The following PDXDC1 variants were observed in gnomAD, a reference collection of about 807,000 sequenced individuals.
PDXDC1 encodes the protein pyridoxal dependent decarboxylase domain containing 1.
A neutral mutation model predicts 100.1 loss-of-function variants in PDXDC1; 42 were observed. That is an observed-to-expected ratio of 0.42 (90% CI 0.33 to 0.54). The LOEUF (loss-of-function observed/expected upper bound fraction) is 0.54. PDXDC1 is among the 20% of genes least tolerant of loss of function. The pLI is 0.10. For missense variants in PDXDC1, 636 were observed against 979.2 expected, an observed-to-expected ratio of 0.65 and a Z score of 4.68; for synonymous variants, 260 against 371.7, an observed-to-expected ratio of 0.70 and a Z score of 3.46.
At chr16:14,980,047 G>T (rs1466191794) in intron 1 of PDXDC1, among the ~76,000 whole-genome samples, 4 of 152,294 alleles carry the variant, frequency 2.6e-5, no homozygotes, top group African/African-American at 9.6e-5. Flanking sequence ...GGCTGTAAAT[G>T]ATTATCTAAT....
At chr16:15,020,264 C>T (rs1187824689) in intron 12 of PDXDC1, among the ~76,000 whole-genome samples, 5 of 152,248 alleles carry the variant, frequency 3.3e-5, no homozygotes, top group African/African-American at 4.8e-5. Context: ...CAGGATGGCT[C>T]GAGGAACGAA....
intron 8 of PDXDC1, among the ~76,000 whole-genome samples, chr16:15,015,384 A>C (rs1468995427): frequency 6.6e-6 from 1 of 152,268 alleles, no homozygotes. Flanking sequence ...GATAAAATAG[A>C]CTTCATATTG....
At chr16:15,125,849 C>T in intron 16 of PDXDC1, 1 of 883,502 alleles carries the variant, frequency 1.1e-6, no homozygotes. Context: ...CAGCTCAGAC[C>T]TGCTCAGGAC....
At chr16:15,067,851 G>C (rs527700324) in intron 16 of PDXDC1, among the ~76,000 whole-genome samples, 2 of 152,106 alleles carry the variant, frequency 1.3e-5, no homozygotes, top group South Asian at 4.1e-4. Context: ...TTGACTTCCT[G>C]GGCTCAAGTG....
intron 16 of PDXDC1, among the ~76,000 whole-genome samples, chr16:15,052,877 C>T (rs769983250): frequency 3.9e-5 from 6 of 152,042 alleles, no homozygotes; most frequent in South Asian, 4.2e-4. Context: ...AGCTACGCTG[C>T]GAGCATCTTG....
chr16:15,065,442 C>T (rs1262451781), intron 16 of PDXDC1: 19 of 1,340,306 alleles, frequency 1.4e-5, no homozygotes, highest in African/African-American at 7.3e-5. Flanking sequence ...ATGTGAGCTG[C>T]GTGTGACAAC....
chr16:15,035,504 C>A lies in PDXDC1; in HGVS notation c.2058C>A (p.Val686=). The A allele has an allele frequency of 6.2e-7, 1 of 1,612,744 alleles. No homozygotes were observed. The highest frequency in any genetic ancestry group is 2.2e-5 in the East Asian group (1 of 44,854). ...TCTACAAAGCACAAGGTGCAGGAGTCACGCTGCCTCCAACGCCCTCGGGCA... is the reference window on the plus strand; with the variant it reads ...TCTACAAAGCACAAGGTGCAGGAGTAACGCTGCCTCCAACGCCCTCGGGCA... ...IYVYKAQGAG[V]TLPPTPSGSR... Residue 686 remains valine (V), a synonymous_variant, in exon 22 of 23, where the codon GTC becomes GTA. Coordinates refer to ENST00000396410, the MANE Select transcript of PDXDC1 (RefSeq NM_015027.4).
intron 16 of PDXDC1, among the ~76,000 whole-genome samples, chr16:15,076,077 A>T (rs536932653): frequency 3.3e-5 from 5 of 152,118 alleles, no homozygotes; most frequent in Admixed American, 3.3e-4. Context: ...GCGACCTCCC[A>T]AGTGAGACCC....
chr16:15,133,754 C>G, intron 16 of PDXDC1: 1 of 1,591,710 alleles, frequency 6.3e-7, no homozygotes, highest in Non-Finnish European at 8.6e-7. Context: ...ACGTCACAGT[C>G]GGGGGATCCC....
intron 16 of PDXDC1, among the ~76,000 whole-genome samples, chr16:15,106,629 C>G (rs1216565198): frequency 6.7e-6 from 1 of 148,822 alleles, no homozygotes; most frequent in African/African-American, 2.4e-5. Flanking sequence ...GTGGCAGGCA[C>G]CTGTAAGCCC....
At chr16:15,131,226 G>C (rs1484408497) in intron 16 of PDXDC1, 5 of 1,591,238 alleles carry the variant, frequency 3.1e-6, no homozygotes, top group Non-Finnish European at 4.3e-6. Flanking sequence ...GGGCAGCCCA[G>C]TCCGAGTTGT....
intron 3 of PDXDC1, among the ~76,000 whole-genome samples, chr16:14,998,950 T>A (rs1383954347): frequency 2.0e-5 from 3 of 152,230 alleles, no homozygotes; most frequent in Non-Finnish European, 2.9e-5. Flanking sequence ...CTAAGTACAG[T>A]GGGTCACATC....
At chr16:15,054,648 CGTCA>C (rs1393074854) in intron 16 of PDXDC1, among the ~76,000 whole-genome samples, 2 of 152,160 alleles carry the variant, frequency 1.3e-5, no homozygotes, top group Non-Finnish European at 2.9e-5. Flanking sequence ...GCCTTCTCCC[CGTCA>C]GTAAGTCCTT....
At chr16:15,057,031 A>T (rs576945700) in intron 16 of PDXDC1, among the ~76,000 whole-genome samples, 1 of 152,256 alleles carries the variant, frequency 6.6e-6, no homozygotes, top group African/African-American at 2.4e-5. Context: ...ATATTGCTCA[A>T]ATTCATCCAA....
chr16:15,128,404 G>A (rs926743037), intron 16 of PDXDC1: 14 of 1,457,548 alleles, frequency 9.6e-6, no homozygotes, highest in Admixed American at 1.7e-5. Flanking sequence ...AGGGCAAGAG[G>A]GAGGGGTGGG....
intron 16 of PDXDC1, chr16:15,128,303 G>C: frequency 6.2e-7 from 1 of 1,609,846 alleles, no homozygotes; most frequent in African/African-American, 1.3e-5. Context: ...AGGCTGTTGC[G>C]GTGGAAGGCT....
the PDXDC1 span, among the ~76,000 whole-genome samples, chr16:15,149,408 C>G: frequency 6.6e-6 from 1 of 152,208 alleles, no homozygotes; most frequent in Non-Finnish European, 1.5e-5. Context: ...ATCCCTAGTC[C>G]TTGCTCTCAG....
chr16:15,022,905 A>G (rs2042316603), intron 13 of PDXDC1, 151 bp downstream of exon 13: 1 of 674,798 alleles, frequency 1.5e-6, no homozygotes, highest in Non-Finnish European at 2.4e-6. Flanking sequence ...AAACGAAACA[A>G]AAAACAAAAA....
At chr16:15,095,026 C>CG (rs1009483750) in intron 16 of PDXDC1, among the ~76,000 whole-genome samples, 1 of 151,802 alleles carries the variant, frequency 6.6e-6, no homozygotes, top group Non-Finnish European at 1.5e-5. Flanking sequence ...TTAGTGGAGA[C>CG]GGGGTTGCAC....
Sources: gnomAD v4.1 joint callset for allele counts (sites outside exome capture counted in the v4.1 genomes callset) on GRCh38, gnomAD v4.1.1 for gene constraint, MANE v1.5 for transcripts, NCBI Gene and HGNC (gene_info 2026-07-23, HGNC 2026-07-21) for gene names.